The following DNAH7 variants were observed in gnomAD, a reference collection of about 807,000 sequenced individuals.
The protein encoded by DNAH7 is dynein axonemal heavy chain 7, also known as axonemal beta dynein heavy chain 7.
In DNAH7, 397 loss-of-function variants were observed where a neutral mutation model predicts 444.6. The ratio of observed to expected loss-of-function variants is 0.89; its 90% CI spans 0.82 to 0.97. The LOEUF (loss-of-function observed/expected upper bound fraction) is 0.97. Ranked by LOEUF, DNAH7 falls within the 50% of genes least tolerant of loss-of-function variation. The pLI is 0.00. For missense variants in DNAH7, 4,902 were observed against 4,800.8 expected (o/e 1.02, Z -0.62); for synonymous variants, 1,636 against 1,624.4 (o/e 1.01, Z -0.17).
At chr2:195,759,930 A>G (rs1694270065) in intron 61 of DNAH7, among the ~76,000 whole-genome samples, 1 of 152,176 alleles carries the variant, frequency 6.6e-6, no homozygotes, top group Non-Finnish European at 1.5e-5. Context: ...CTCCTGTCTC[A>G]GCCTCCCAAA....
chr2:195,847,195 T>C (rs1699056624), intron 46 of DNAH7, among the ~76,000 whole-genome samples: 1 of 148,890 alleles, frequency 6.7e-6, no homozygotes, highest in African/African-American at 2.5e-5. Context: ...CTACTAGTTT[T>C]GTCCCTCTAG....
At chr2:195,810,457 G>C (rs1696915174) in intron 51 of DNAH7, among the ~76,000 whole-genome samples, 1 of 151,904 alleles carries the variant, frequency 6.6e-6, no homozygotes, top group Non-Finnish European at 1.5e-5. Context: ...ACCCAGGTTG[G>C]AGTGAGTGCA....
intron 14 of DNAH7, among the ~76,000 whole-genome samples, chr2:195,984,954 G>A (rs1692809714): frequency 6.6e-6 from 1 of 152,076 alleles, no homozygotes; most frequent in East Asian, 1.9e-4. Flanking sequence ...ATAGCATAAT[G>A]GCCCTCAAGC....
intron 24 of DNAH7, among the ~76,000 whole-genome samples, chr2:195,914,101 T>C (rs1189957088): frequency 6.6e-6 from 1 of 152,208 alleles, no homozygotes; most frequent in African/African-American, 2.4e-5. Flanking sequence ...TCTGGATTAA[T>C]ATATCTGTAG....
chr2:195,960,302 A>G lies in DNAH7; in HGVS notation c.2849T>C (p.Met950Thr), dbSNP rs531993818. 450 of 1,613,592 alleles carry G rather than the reference A, an allele frequency of 2.8e-4. 5 individuals are homozygous for G. In the South Asian group the frequency reaches 4.3e-3, roughly 16 times the overall value. ...AGGCTTAATGAAAGGAGATCCTCGC[A>G]TAGTTTGTGTTTTAATAATATGGTC... ...LDDHIIKTQT[M>T]RGSPFIKPYE... is the part of the protein sequence containing the mutation. Residue 950 changes from methionine (M) to threonine (T), a missense_variant, in exon 18 of 65, where the codon ATG (methionine) becomes ACG (threonine). By Grantham distance (81) the Met-to-Thr change is moderately conservative. Coordinates refer to ENST00000312428, the MANE Select transcript of DNAH7 (RefSeq NM_018897.3).
intron 5 of DNAH7, among the ~76,000 whole-genome samples, chr2:196,029,087 A>C (rs1422386231): frequency 6.6e-6 from 1 of 152,242 alleles, no homozygotes; most frequent in Non-Finnish European, 1.5e-5. Flanking sequence ...AGAAATCCTC[A>C]AAGTATTTAG....
chr2:195,951,169 A>G (rs1402396294), intron 19 of DNAH7, among the ~76,000 whole-genome samples: 2 of 152,006 alleles, frequency 1.3e-5, no homozygotes. Context: ...CAAAGAACTT[A>G]TTTATTTCTG....
intron 30 of DNAH7, chr2:195,892,612 G>T (rs996704176): frequency 6.6e-6 from 1 of 151,632 alleles, no homozygotes; most frequent in Non-Finnish European, 1.5e-5. Context: ...ATCTTGAATT[G>T]GTGTGGTACA....
rs779917962 is a variant in DNAH7, at chr2:195,972,192, AAAAAC to A, written c.2058+45_2058+49del. The A allele has an allele frequency of 1.9e-5, 29 of 1,501,832 alleles. No individual in the cohort carries two copies. In the African/African-American group the frequency reaches 2.2e-4, roughly 12 times the overall value. The allele number at this position is 1,501,832 out of a possible 1,614,324, so 93.0% of individuals were successfully genotyped here. On this transcript the variant is annotated intron_variant, in intron 16 of 64. Coordinates refer to ENST00000312428, the MANE Select transcript of DNAH7 (RefSeq NM_018897.3). The stretch of plus-strand genomic sequence containing the variant: ...AATTGACAATGCTACATAAAAAGAT[AAAAAC>A]AAAACATTTCCAGAAAATGAAAATA...
intron 22 of DNAH7, among the ~76,000 whole-genome samples, chr2:195,925,180 C>A (rs1025010737): frequency 7.2e-5 from 11 of 151,778 alleles, no homozygotes; most frequent in Non-Finnish European, 1.0e-4. Flanking sequence ...AGGTTTGGTG[C>A]CTAAACACTA....
At chr2:195,894,705 G>A (rs1207459064) in intron 30 of DNAH7, 1 of 233,708 alleles carries the variant, frequency 4.3e-6, no homozygotes, top group Non-Finnish European at 8.2e-6. Context: ...AGATTTTTCT[G>A]TTTTCAGACT....
intron 17 of DNAH7, among the ~76,000 whole-genome samples, chr2:195,962,958 T>C (rs1418361347): frequency 6.6e-6 from 1 of 152,240 alleles, no homozygotes; most frequent in Non-Finnish European, 1.5e-5. Flanking sequence ...TCTTGTTTGT[T>C]ATGGCTGAAT....
chr2:195,939,622 A>C (rs1398124811), intron 19 of DNAH7, among the ~76,000 whole-genome samples: 1 of 152,152 alleles, frequency 6.6e-6, no homozygotes, highest in Non-Finnish European at 1.5e-5. Flanking sequence ...AAGGGGAAGA[A>C]TTGAATTATT....
chr2:195,993,066 G>T (rs904917282), intron 12 of DNAH7, among the ~76,000 whole-genome samples: 1 of 152,206 alleles, frequency 6.6e-6, no homozygotes, highest in African/African-American at 2.4e-5. Flanking sequence ...TGGTCTCCGA[G>T]TGCAGCGTTA....
At chr2:196,044,203 A>ATGTGTGTGTG (rs367981308) in intron 5 of DNAH7, among the ~76,000 whole-genome samples, 4 of 146,998 alleles carry the variant, frequency 2.7e-5, no homozygotes, top group African/African-American at 1.0e-4. Context: ...ATATATATAT[A>ATGTGTGTGTG]TGTGTGTGTG....
chr2:195,782,576 C>T (rs987843870), intron 58 of DNAH7, among the ~76,000 whole-genome samples: 7 of 151,990 alleles, frequency 4.6e-5, no homozygotes, highest in African/African-American at 9.7e-5. Flanking sequence ...CACAGAAAAA[C>T]GTGTAAATTA....
intron 18 of DNAH7, among the ~76,000 whole-genome samples, 191 bp downstream of exon 18, chr2:195,960,069 T>C (rs1216654808): frequency 1.3e-5 from 2 of 152,192 alleles, no homozygotes; most frequent in Non-Finnish European, 2.9e-5. Context: ...GATTATAATA[T>C]CTTTAAATAT....
intron 29 of DNAH7, among the ~76,000 whole-genome samples, chr2:195,896,514 G>C (rs1003496683): frequency 6.6e-6 from 1 of 152,104 alleles, no homozygotes; most frequent in African/African-American, 2.4e-5. Flanking sequence ...TTATTTTTAA[G>C]TTAAAAAGTT....
At chr2:195,944,106 C>T (rs985002171) in intron 19 of DNAH7, among the ~76,000 whole-genome samples, 4 of 152,162 alleles carry the variant, frequency 2.6e-5, no homozygotes, top group Admixed American at 2.6e-4. Flanking sequence ...TGACCAAGCA[C>T]TCTTTCCAAG....
Sources: gnomAD v4.1 joint callset for allele counts (sites outside exome capture counted in the v4.1 genomes callset) on GRCh38, gnomAD v4.1.1 for gene constraint, MANE v1.5 for transcripts, NCBI Gene and HGNC (gene_info 2026-07-23, HGNC 2026-07-21) for gene names.